Variants in FSAF1 observed in about 807,000 individuals in gnomAD.
The protein encoded by FSAF1 is 40S small subunit processome assembly factor 1.
At chr1:231,231,040 G>A in the FSAF1 span, among the ~76,000 whole-genome samples, 2 of 152,206 alleles carry the variant, frequency 1.3e-5, no homozygotes, top group East Asian at 3.9e-4. Context: ...CCACTGTCAG[G>A]GTCCAGGCGT....
the FSAF1 span, among the ~76,000 whole-genome samples, chr1:231,230,223 C>T: frequency 6.6e-6 from 1 of 152,004 alleles, no homozygotes; most frequent in Non-Finnish European, 1.5e-5. Context: ...GAGAGCACTG[C>T]CTGAATCTCA....
the FSAF1 span, chr1:231,238,830 G>C: frequency 4.2e-5 from 66 of 1,576,174 alleles, no homozygotes; most frequent in Middle Eastern, 4.1e-4. Flanking sequence ...GGTTCACCAC[G>C]TATATATAAG....
At chr1:231,225,104 C>A in the FSAF1 span, 1 of 239,924 alleles carries the variant, frequency 4.2e-6, no homozygotes, top group Non-Finnish European at 8.1e-6. Flanking sequence ...AAGTCAACAT[C>A]CCTTATTCAT....
chr1:231,237,139 CGTG>C, the FSAF1 span: 1 of 152,130 alleles, frequency 6.6e-6, no homozygotes, highest in Non-Finnish European at 1.5e-5. Context: ...GGATTACTGG[CGTG>C]AGCCACCACG....
At chr1:231,232,682 T>C in the FSAF1 span, among the ~76,000 whole-genome samples, 2 of 152,158 alleles carry the variant, frequency 1.3e-5, no homozygotes, top group Non-Finnish European at 2.9e-5. Flanking sequence ...TCTGAGAACT[T>C]ATATGCTGGG....
At chr1:231,233,907 C>T in the FSAF1 span, among the ~76,000 whole-genome samples, 4 of 152,168 alleles carry the variant, frequency 2.6e-5, no homozygotes, top group African/African-American at 7.2e-5. Context: ...AAATCTGCAC[C>T]AATCTTAAAA....
chr1:231,231,345 A>G, the FSAF1 span, among the ~76,000 whole-genome samples: 1 of 152,188 alleles, frequency 6.6e-6, no homozygotes, highest in African/African-American at 2.4e-5. Flanking sequence ...GACCATATCT[A>G]ACCCCTATAA....
the FSAF1 span, chr1:231,224,485 C>G: frequency 1.1e-5 from 16 of 1,463,980 alleles, no homozygotes; most frequent in South Asian, 1.3e-5. Context: ...TACCACCAAC[C>G]AGGCCACTGC....
the FSAF1 span, chr1:231,224,690 T>A: frequency 5.3e-6 from 2 of 380,248 alleles, no homozygotes; most frequent in South Asian, 7.3e-5. Flanking sequence ...CGATGTCACC[T>A]CCTCAGACTA....
At chr1:231,230,414 C>A in the FSAF1 span, among the ~76,000 whole-genome samples, 4 of 152,184 alleles carry the variant, frequency 2.6e-5, no homozygotes, top group Admixed American at 2.0e-4. Context: ...ATATCAGATT[C>A]CTAGCATGGC....
chr1:231,240,824 T>C, the FSAF1 span, among the ~76,000 whole-genome samples: 1 of 152,068 alleles, frequency 6.6e-6, no homozygotes, highest in Non-Finnish European at 1.5e-5. The surrounding 1 kb of genome is among the most constrained non-coding windows in gnomAD (Gnocchi z 4.1). Flanking sequence ...GAAGGTTTGA[T>C]GAATAACTCA....
chr1:231,225,374 G>C, the FSAF1 span: 3 of 1,181,846 alleles, frequency 2.5e-6, no homozygotes, highest in Non-Finnish European at 1.3e-6. Flanking sequence ...CGCTCTAATG[G>C]GCTAGCAACA....
chr1:231,232,402 GC>G, the FSAF1 span, among the ~76,000 whole-genome samples: 1 of 152,108 alleles, frequency 6.6e-6, no homozygotes. Context: ...CCCCTTAAGA[GC>G]CCTTCATTAA....
chr1:231,227,840 C>T, the FSAF1 span, among the ~76,000 whole-genome samples: 1 of 152,070 alleles, frequency 6.6e-6, no homozygotes, highest in Non-Finnish European at 1.5e-5. Flanking sequence ...CCACCCACCT[C>T]GGCCTCCCAA....
chr1:231,229,108 T>C, the FSAF1 span: 2 of 1,187,314 alleles, frequency 1.7e-6, no homozygotes, highest in Non-Finnish European at 2.4e-6. Flanking sequence ...ATACTGTAAA[T>C]AAAGTTAATT....
the FSAF1 span, chr1:231,229,308 C>T: frequency 2.7e-6 from 2 of 740,272 alleles, no homozygotes; most frequent in Non-Finnish European, 4.3e-6. Context: ...GAAAGTGACC[C>T]TTTCACACCC....
At chr1:231,226,484 C>G in the FSAF1 span, 2 of 547,410 alleles carry the variant, frequency 3.7e-6, no homozygotes, top group Non-Finnish European at 6.5e-6. Flanking sequence ...TACGCAGCAT[C>G]AGGCATTCCT....
chr1:231,226,145 T>C, the FSAF1 span, among the ~76,000 whole-genome samples: 2 of 151,774 alleles, frequency 1.3e-5, no homozygotes, highest in African/African-American at 4.8e-5. Flanking sequence ...AGACGGGACC[T>C]AGTGGGAGGT....
At chr1:231,232,657 G>A in the FSAF1 span, among the ~76,000 whole-genome samples, 1 of 152,208 alleles carries the variant, frequency 6.6e-6, no homozygotes, top group Admixed American at 6.5e-5. Context: ...AAGGGAGAGG[G>A]ATATGTATGG....
Sources: allele counts gnomAD v4.1 joint callset (sites outside exome capture counted in the v4.1 genomes callset), GRCh38; gene constraint gnomAD v4.1.1; non-coding constraint Gnocchi (gnomAD v3.1); transcripts MANE v1.5; gene names NCBI Gene and HGNC (gene_info 2026-07-23, HGNC 2026-07-21).